CLIC4: variants seen among roughly 807,000 people sequenced by gnomAD.
CLIC4 encodes the protein CLIC family member 4.
Under a neutral mutation model 24.6 loss-of-function variants are expected in CLIC4, and 13 were observed. The ratio of observed to expected loss-of-function variants is 0.53; its 90% CI spans 0.34 to 0.84. The LOEUF is 0.84. Ranked by LOEUF, CLIC4 falls within the 40% of genes least tolerant of loss-of-function variation. CLIC4 has a pLI of 0.01. For missense variants in CLIC4, 227 were observed against 301.7 expected (o/e 0.75, Z 1.83); for synonymous variants, 104 against 111.3 (o/e 0.93, Z 0.41).
Position 24,745,517 on chromosome 1 carries a change from C to CA in CLIC4, c.-36dup. On this transcript the variant is annotated 5_prime_UTR_variant, in exon 1 of 6. Transcript: ENST00000374379. ...GGAGCAGAAGCAGCAGCAGCAGCAG[C>CA]AGCCCTCGCCGTTCGCGGAGCGCAG... is the stretch of plus-strand genomic sequence containing the variant. 1 of 1,548,188 alleles carries CA rather than the reference C, an allele frequency of 6.5e-7. No homozygotes were observed. The highest frequency in any genetic ancestry group is 8.7e-7 in the Non-Finnish European group (1 of 1,147,148).
At position 24,805,103 on chromosome 1, in the gene CLIC4, A is replaced by AC. The variant is rs1470274599; in HGVS notation, c.182+7252_182+7253insC. On this transcript the variant is annotated intron_variant, in intron 2 of 5. Coordinates refer to ENST00000374379, the MANE Select transcript of CLIC4 (RefSeq NM_013943.3). ...CTCCATGTCAAAAAAAAAAAAAAAA[A>AC]AACACAAAAACAAAGACAAACGAAT... 1.1e-4 allele frequency among the ~76,000 whole-genome samples: 14 copies of AC among 124,678 alleles called. 1 individual carries two copies. Among genetic ancestry groups the AC allele is most frequent in the African/African-American group, 3.5e-4 (13 of 36,760 alleles). 81.8% of individuals were successfully genotyped at this position (124,678 alleles called of 152,430 possible).
chr1:24,785,080 A>G (rs1404585223), intron 1 of CLIC4, among the ~76,000 whole-genome samples: 2 of 147,980 alleles, frequency 1.4e-5, no homozygotes, highest in East Asian at 3.9e-4. Flanking sequence ...CTTTATGTAG[A>G]CCTTTTTTTT....
intron 1 of CLIC4, among the ~76,000 whole-genome samples, chr1:24,774,086 C>T (rs1238927431): frequency 1.3e-5 from 2 of 152,156 alleles, no homozygotes; most frequent in Non-Finnish European, 2.9e-5. Flanking sequence ...AGTTCTCCTG[C>T]CTCAGCCTCC....
chr1:24,762,466 T>A (rs547379124), intron 1 of CLIC4, among the ~76,000 whole-genome samples: 2 of 151,392 alleles, frequency 1.3e-5, no homozygotes, highest in African/African-American at 4.9e-5. Flanking sequence ...GAGTAAAGAG[T>A]GAGGAAAATG....
intron 1 of CLIC4, among the ~76,000 whole-genome samples, chr1:24,778,188 G>A (rs933537387): frequency 6.6e-6 from 1 of 152,060 alleles, no homozygotes; most frequent in Non-Finnish European, 1.5e-5. Flanking sequence ...CATAGTGGTT[G>A]GTAGATAGTA....
chr1:24,759,505 T>C (rs1638893570), intron 1 of CLIC4, among the ~76,000 whole-genome samples: 1 of 152,154 alleles, frequency 6.6e-6, no homozygotes, highest in South Asian at 2.1e-4. Flanking sequence ...TTTTTTATTC[T>C]AGCTGAAATA....
In CLIC4 at chr1:24,788,002, C is replaced by T. The variant is rs140074724; in HGVS notation, c.73-9740C>T. ...TCCCAAGTAGCTGGGATTACAGGCA[C>T]GTACCAGCACGCCCAGCTAATTTTT... On this transcript the variant is annotated intron_variant, in intron 1 of 5. Coordinates refer to ENST00000374379, the MANE Select transcript of CLIC4 (RefSeq NM_013943.3). Among the ~76,000 whole-genome samples, 359 of 151,990 alleles carry T rather than the reference C, an allele frequency of 2.4e-3. 1 individual carries two copies. Among genetic ancestry groups the T allele is most frequent in the African/African-American group, 8.0e-3 (332 of 41,438 alleles).
At chr1:24,835,700 T>G (rs1212270460) in intron 4 of CLIC4, among the ~76,000 whole-genome samples, 1 of 152,200 alleles carries the variant, frequency 6.6e-6, no homozygotes, top group Non-Finnish European at 1.5e-5. Flanking sequence ...ATAATTAAAC[T>G]TTAATGAGTC....
intron 1 of CLIC4, among the ~76,000 whole-genome samples, chr1:24,748,062 T>C (rs1638725859): frequency 6.6e-6 from 1 of 151,802 alleles, no homozygotes; most frequent in East Asian, 1.9e-4. Flanking sequence ...TTATCAGTTA[T>C]GGCTCTATTC....
At chr1:24,809,414 T>C (rs1639589449) in intron 2 of CLIC4, among the ~76,000 whole-genome samples, 1 of 152,202 alleles carries the variant, frequency 6.6e-6, no homozygotes, top group Admixed American at 6.5e-5. Context: ...TATAGATTTT[T>C]GATTCCCCTC....
At chr1:24,748,167 A>G (rs1638728749) in intron 1 of CLIC4, among the ~76,000 whole-genome samples, 1 of 152,220 alleles carries the variant, frequency 6.6e-6, no homozygotes, top group Non-Finnish European at 1.5e-5. Context: ...TGCCCTGCTT[A>G]CTATTAATTT....
intron 1 of CLIC4, among the ~76,000 whole-genome samples, chr1:24,791,086 G>A (rs1639328521): frequency 6.6e-6 from 1 of 152,122 alleles, no homozygotes; most frequent in African/African-American, 2.4e-5. Flanking sequence ...AAGGGTAAGG[G>A]AACGCTGACT....
At chr1:24,802,304 A>C (rs1156380924) in intron 2 of CLIC4, among the ~76,000 whole-genome samples, 1 of 152,102 alleles carries the variant, frequency 6.6e-6, no homozygotes. Context: ...CTATAGGTTG[A>C]TTGATATTTG....
At chr1:24,797,880 C>T (rs1436871452) in intron 2 of CLIC4, 29 bp downstream of exon 2, 7 of 1,456,758 alleles carry the variant, frequency 4.8e-6, no homozygotes, top group African/African-American at 1.4e-5. Flanking sequence ...TTGCAATCAA[C>T]TTAAGCTGAA....
chr1:24,787,483 A>T (rs927610733), intron 1 of CLIC4, among the ~76,000 whole-genome samples: 1 of 152,152 alleles, frequency 6.6e-6, no homozygotes, highest in African/African-American at 2.4e-5. Context: ...TAAAATATAC[A>T]GTTCAGTGGT....
rs143175108 is a variant in CLIC4, at chr1:24,842,786, G to C, written c.*1849G>C. On this transcript the variant is annotated 3_prime_UTR_variant, in exon 6 of 6. Coordinates refer to ENST00000374379, the MANE Select transcript of CLIC4 (RefSeq NM_013943.3). ...TTATCTATTGAGAAATTATTTTGCAGTGGTTTTAGTGGGTGAAAATGTCCC... is the reference window on the plus strand; with the variant it reads ...TTATCTATTGAGAAATTATTTTGCACTGGTTTTAGTGGGTGAAAATGTCCC... 9.9e-5 allele frequency: 15 copies of C among 152,206 alleles called. No homozygotes were observed. The highest frequency in any genetic ancestry group is 3.6e-4 in the African/African-American group (15 of 41,538). The allele number at this position is 152,206 out of a possible 1,614,324, so 9.4% of individuals were successfully genotyped here. A position where few individuals can be genotyped will look rare whatever the true frequency, so the allele number is the denominator to read the frequency against.
chr1:24,812,077 A>G (rs1172438894), intron 2 of CLIC4, among the ~76,000 whole-genome samples: 2 of 152,012 alleles, frequency 1.3e-5, no homozygotes, highest in Admixed American at 6.5e-5. Flanking sequence ...TAGTTGTGCT[A>G]TTTTACATTT....
chr1:24,755,882 T>A (rs1434994886), intron 1 of CLIC4, among the ~76,000 whole-genome samples: 1 of 150,366 alleles, frequency 6.7e-6, no homozygotes, highest in East Asian at 2.0e-4. Context: ...AGTGCAGTGG[T>A]GCGATCTCGG....
chr1:24,746,333 T>C (rs779536731), intron 1 of CLIC4, among the ~76,000 whole-genome samples: 9 of 152,170 alleles, frequency 5.9e-5, no homozygotes, highest in Admixed American at 2.0e-4. Flanking sequence ...CGGGAAGGAT[T>C]GTGTGTGCCC....
Sources: gnomAD v4.1 joint callset for allele counts (sites outside exome capture counted in the v4.1 genomes callset) on GRCh38, gnomAD v4.1.1 for gene constraint, MANE v1.5 for transcripts, NCBI Gene and HGNC (gene_info 2026-07-23, HGNC 2026-07-21) for gene names.